Variants in NADK observed in about 807,000 individuals in gnomAD.
NADK encodes poly(P)/ATP NAD kinase.
NADK carries 22 observed loss-of-function variants against 49.8 expected under a neutral mutation model. The observed-to-expected ratio is 0.44, with a 90% CI of 0.32 to 0.63. NADK has a LOEUF of 0.63. Ranked by LOEUF, NADK falls within the 30% of genes least tolerant of loss-of-function variation. NADK has a pLI of 0.06. For synonymous variants in NADK, 268 were observed against 253.7 expected (o/e 1.06, Z -0.54); for missense variants, 438 against 609.4 (o/e 0.72, Z 2.96).
At chr1:1,761,292 ATT>A (rs1300834449) in intron 3 of NADK, among the ~76,000 whole-genome samples, 2 of 151,878 alleles carry the variant, frequency 1.3e-5, no homozygotes, top group Non-Finnish European at 2.9e-5. Flanking sequence ...CAGCTGACCA[ATT>A]TTTGTGTTTT....
intron 1 of NADK, among the ~76,000 whole-genome samples, chr1:1,768,620 A>G (rs1389819728): frequency 6.6e-6 from 1 of 152,210 alleles, no homozygotes; most frequent in Non-Finnish European, 1.5e-5. Flanking sequence ...GCACAAAAGT[A>G]AAGCCATGTG....
rs933600781 is a variant in NADK, at chr1:1,759,745, G to T, written c.263+2207C>A. On this transcript the variant is annotated intron_variant, in intron 3 of 11. Transcript: ENST00000341426. ...CCCCACAAACCCACCGCTTCCTCCT[G>T]CGGGGCTGTCTGGCCTCGGGCAGCT... 5.1e-6 allele frequency: 8 copies of T among 1,554,478 alleles called. No individual in the cohort carries two copies. The African/African-American group carries it at 9.6e-5, about 19-fold the overall frequency.
intron 2 of NADK, among the ~76,000 whole-genome samples, chr1:1,762,757 C>CG (rs1645766378): frequency 3.7e-5 from 5 of 135,648 alleles, no homozygotes; most frequent in African/African-American, 1.1e-4. Flanking sequence ...AACTCTGTCT[C>CG]AAAATGAATG....
At chr1:1,753,108 A>G in intron 11 of NADK, 48 bp from the exon 12 acceptor site, 1 of 1,566,626 alleles carries the variant, frequency 6.4e-7, no homozygotes, top group South Asian at 1.2e-5. Context: ...AGAAAGGCCC[A>G]CCCCCGGCCA....
At chr1:1,770,219 C>T (rs562563195) in intron 1 of NADK, among the ~76,000 whole-genome samples, 111 of 151,628 alleles carry the variant, frequency 7.3e-4, no homozygotes, top group Non-Finnish European at 1.5e-4. Context: ...ATGAAAAATT[C>T]AATGAAAACC....
chr1:1,758,693 T>G, intron 3 of NADK: 1 of 1,058,920 alleles, frequency 9.4e-7, no homozygotes, highest in Non-Finnish European at 1.3e-6. Context: ...ACAAAACAGT[T>G]TCCTCATTGG....
chr1:1,756,850 T>C (rs759052386), intron 4 of NADK: 2 of 841,868 alleles, frequency 2.4e-6, no homozygotes, highest in African/African-American at 1.7e-5. Context: ...AGGAGTGGCT[T>C]TCCTGGGCGC....
intron 1 of NADK, among the ~76,000 whole-genome samples, chr1:1,775,343 A>T (rs1014357147): frequency 2.0e-5 from 3 of 152,204 alleles, no homozygotes; most frequent in Non-Finnish European, 4.4e-5. Flanking sequence ...GACTAAATGA[A>T]AAAGGAAAAT....
rs964341536 is a variant in NADK, at chr1:1,754,844, T to C, written c.689-146A>G. 1 of 740,890 alleles carries C rather than the reference T, an allele frequency of 1.3e-6. No individual in the cohort carries two copies. Among genetic ancestry groups the C allele is most frequent in the Admixed American group, 3.1e-5 (1 of 32,234 alleles). 45.9% of individuals were successfully genotyped at this position (740,890 alleles called of 1,614,324 possible). ...GTGCCTTTTTCTTTTTATTTTGAGA[T>C]GGAGTCTCACTCTGTCACCCAGGCT... On this transcript the variant is annotated intron_variant, in intron 7 of 11. Coordinates refer to ENST00000341426, the MANE Select transcript of NADK (RefSeq NM_023018.5). The surrounding 1 kb of genome is among the most constrained non-coding windows in gnomAD (Gnocchi z 4.3).
intron 1 of NADK, among the ~76,000 whole-genome samples, chr1:1,767,677 A>G (rs1254505842): frequency 6.6e-6 from 1 of 152,098 alleles, no homozygotes; most frequent in Admixed American, 6.6e-5. Context: ...CCCCAAATTT[A>G]TTTTTTATTT....
In NADK at chr1:1,778,012, G is replaced by A. The variant is rs1646261385; in HGVS notation, c.-41+277C>T. ...CAAGCAGAGGCGACTGACAAGCGCG[G>A]TCCGGGCTGGACGGCCCCACCTTCC... On this transcript the variant is annotated intron_variant, in intron 1 of 11. Coordinates refer to ENST00000341426, the MANE Select transcript of NADK (RefSeq NM_023018.5). The surrounding 1 kb of genome is among the most constrained non-coding windows in gnomAD (Gnocchi z 4.9). Among the ~76,000 whole-genome samples the A allele has an allele frequency of 6.6e-6, 1 of 152,116 alleles. No homozygotes were observed.
At chr1:1,770,412 T>C (rs1570573385) in intron 1 of NADK, among the ~76,000 whole-genome samples, 1 of 152,180 alleles carries the variant, frequency 6.6e-6, no homozygotes, top group African/African-American at 2.4e-5. Flanking sequence ...GCAGATGACA[T>C]GACATTTCTA....
chr1:1,759,830 G>T, intron 3 of NADK: 1 of 1,552,026 alleles, frequency 6.4e-7, no homozygotes. Context: ...CCTGTCCGGT[G>T]ACCCCGCCCT....
intron 1 of NADK, among the ~76,000 whole-genome samples, chr1:1,775,565 G>C (rs1437145075): frequency 6.6e-6 from 1 of 152,186 alleles, no homozygotes; most frequent in East Asian, 1.9e-4. Flanking sequence ...TTAAACCTAA[G>C]CAGATTACAG....
intron 1 of NADK, among the ~76,000 whole-genome samples, chr1:1,765,699 G>GC (rs1645865254): frequency 6.6e-6 from 1 of 152,050 alleles, no homozygotes; most frequent in South Asian, 2.1e-4. Flanking sequence ...ATCACTTGAG[G>GC]CCAGGAGTTC....
At chr1:1,753,728 C>T (rs1645409616) in intron 10 of NADK, 79 bp from the exon 11 acceptor site, 4 of 1,317,838 alleles carry the variant, frequency 3.0e-6, no homozygotes, top group Non-Finnish European at 2.1e-6. Context: ...GAGTGCTCGC[C>T]AGAGGTCGAA....
chr1:1,778,364 C>T lies in NADK; in HGVS notation c.-116G>A, dbSNP rs1323422838. 1 of 150,712 alleles carries T rather than the reference C, an allele frequency of 6.6e-6. No individual in the cohort carries two copies. Among genetic ancestry groups the T allele is most frequent in the Non-Finnish European group, 1.5e-5 (1 of 67,654 alleles). The allele number at this position is 150,712 out of a possible 1,614,324, so 9.3% of individuals were successfully genotyped here. On this transcript the variant is annotated 5_prime_UTR_variant, in exon 1 of 12. Coordinates refer to ENST00000341426, the MANE Select transcript of NADK (RefSeq NM_023018.5). The surrounding 1 kb of genome is among the most constrained non-coding windows in gnomAD (Gnocchi z 4.9). Reference sequence around the variant, plus strand: ...CGCAGGCCCCGCCGCCGCGCCGCCGCCAGCCGTCGCTACCTGGCCCTTGGC... The same window carrying T: ...CGCAGGCCCCGCCGCCGCGCCGCCGTCAGCCGTCGCTACCTGGCCCTTGGC...
chr1:1,768,231 A>G (rs928767899), intron 1 of NADK, among the ~76,000 whole-genome samples: 27 of 151,404 alleles, frequency 1.8e-4, no homozygotes, highest in East Asian at 1.4e-3. Context: ...AGACAGAATG[A>G]GCATCCTTGT....
At chr1:1,774,383 AC>A (rs776279002) in intron 1 of NADK, among the ~76,000 whole-genome samples, 1 of 152,094 alleles carries the variant, frequency 6.6e-6, no homozygotes, top group Non-Finnish European at 1.5e-5. Context: ...GGTGTGCGCC[AC>A]CACGCCCAGC....
Sources: allele counts gnomAD v4.1 joint callset (sites outside exome capture counted in the v4.1 genomes callset), GRCh38; gene constraint gnomAD v4.1.1; non-coding constraint Gnocchi (gnomAD v3.1); transcripts MANE v1.5; gene names NCBI Gene and HGNC (gene_info 2026-07-23, HGNC 2026-07-21).